Variants in SRGAP1 observed in about 807,000 individuals in gnomAD.
The protein encoded by SRGAP1 is SLIT-ROBO Rho GTPase activating protein 1, also known as SLIT-ROBO Rho GTPase-activating protein 1.
A neutral mutation model predicts 121.9 loss-of-function variants in SRGAP1; 43 were observed. The ratio of observed to expected loss-of-function variants is 0.35; its 90% CI spans 0.28 to 0.46. The LOEUF is 0.46. SRGAP1 is among the 20% of genes least tolerant of loss of function. The pLI, the probability that SRGAP1 is intolerant of heterozygous loss-of-function variation, is 1.00. For missense variants in SRGAP1, 1,102 were observed against 1,350.9 expected (o/e 0.82, Z 2.89); for synonymous variants, 447 against 485.4 (o/e 0.92, Z 1.04).
chr12:64,117,425 T>C (rs2036540578), intron 18 of SRGAP1, among the ~76,000 whole-genome samples: 1 of 152,306 alleles, frequency 6.6e-6, no homozygotes, highest in Middle Eastern at 3.4e-3. Context: ...GGGTATATGC[T>C]TTGCAGATAT....
intron 1 of SRGAP1, among the ~76,000 whole-genome samples, chr12:63,928,024 G>A (rs1186308187): frequency 1.3e-5 from 2 of 152,112 alleles, no homozygotes; most frequent in South Asian, 2.1e-4. Context: ...AACAGAACCA[G>A]TATTTTCAGG....
chr12:63,941,118 CATT>C (rs2031848981), intron 1 of SRGAP1, among the ~76,000 whole-genome samples: 1 of 151,782 alleles, frequency 6.6e-6, no homozygotes, highest in Non-Finnish European at 1.5e-5. Flanking sequence ...TTTAAGGTAA[CATT>C]AATCCCTGAT....
intron 6 of SRGAP1, among the ~76,000 whole-genome samples, chr12:64,059,641 A>C (rs1378241972): frequency 6.6e-6 from 1 of 152,262 alleles, no homozygotes; most frequent in Admixed American, 6.5e-5. Flanking sequence ...TTGTGTTTTC[A>C]TTAACGCAAA....
chr12:63,980,932 A>AT (rs1391934507), intron 1 of SRGAP1, among the ~76,000 whole-genome samples: 1 of 151,988 alleles, frequency 6.6e-6, no homozygotes, highest in Non-Finnish European at 1.5e-5. Context: ...TTTTCTGTTG[A>AT]TTTTTTAAAA....
At chr12:63,989,724 A>G (rs1426862695) in intron 2 of SRGAP1, among the ~76,000 whole-genome samples, 186 bp from the exon 3 acceptor site, 3 of 152,246 alleles carry the variant, frequency 2.0e-5, no homozygotes, top group African/African-American at 7.2e-5. Flanking sequence ...TGCTGGCTCT[A>G]TGCCATCCAC....
chr12:64,063,657 CA>C (rs35938870), intron 7 of SRGAP1, among the ~76,000 whole-genome samples: 1 of 151,016 alleles, frequency 6.6e-6, no homozygotes, highest in Admixed American at 6.6e-5. Flanking sequence ...GTTATTTTAC[CA>C]AAAAAAATGC....
intron 1 of SRGAP1, among the ~76,000 whole-genome samples, chr12:63,912,638 A>G (rs1011329940): frequency 7.9e-5 from 12 of 151,956 alleles, no homozygotes; most frequent in African/African-American, 2.7e-4. Flanking sequence ...AAAAATCAGC[A>G]CTGGATAGAG....
At chr12:63,925,407 G>A (rs1197793251) in intron 1 of SRGAP1, among the ~76,000 whole-genome samples, 1 of 152,146 alleles carries the variant, frequency 6.6e-6, no homozygotes, top group Admixed American at 6.5e-5. Context: ...GAGGAAAATT[G>A]TTAATAGTTG....
At chr12:63,907,986 A>G (rs942883914) in intron 1 of SRGAP1, among the ~76,000 whole-genome samples, 3 of 152,182 alleles carry the variant, frequency 2.0e-5, no homozygotes, top group African/African-American at 4.8e-5. Context: ...TTATCGTGCT[A>G]TCCCTGTTGA....
intron 3 of SRGAP1, among the ~76,000 whole-genome samples, chr12:64,000,463 G>A (rs1001324447): frequency 2.0e-5 from 3 of 151,980 alleles, no homozygotes; most frequent in Admixed American, 6.6e-5. Flanking sequence ...ATATTTAAAA[G>A]TTAGCCAGCC....
At chr12:64,073,383 C>G (rs914026468) in intron 8 of SRGAP1, among the ~76,000 whole-genome samples, 1 of 152,176 alleles carries the variant, frequency 6.6e-6, no homozygotes, top group South Asian at 2.1e-4. Flanking sequence ...GAACATGGTT[C>G]TAGTGAAACA....
rs2037127263 is a variant in SRGAP1 at position 64,152,251 on chromosome 12, AAATT to A, written c.*9582_*9585del. 1 of 152,190 alleles carries A rather than the reference AAATT, an allele frequency of 6.6e-6. No individual in the cohort carries two copies. Among genetic ancestry groups the A allele is most frequent in the Admixed American group, 6.6e-5 (1 of 15,264 alleles). The allele number at this position is 152,190 out of a possible 1,614,324, so 9.4% of individuals were successfully genotyped here. The stretch of plus-strand genomic sequence containing the variant: ...ATTATCATCATCTTTATCCGTAAGA[AAATT>A]AAGCCGCAGGAGTTAAACACTTGCC... On this transcript the variant is annotated 3_prime_UTR_variant, in exon 22 of 22. Coordinates refer to ENST00000355086, the MANE Select transcript of SRGAP1 (RefSeq NM_020762.4).
At chr12:64,024,201 C>T (rs1270664187) in intron 4 of SRGAP1, among the ~76,000 whole-genome samples, 1 of 152,126 alleles carries the variant, frequency 6.6e-6, no homozygotes, top group Non-Finnish European at 1.5e-5. Flanking sequence ...AGAGGCTGAG[C>T]TGGGAGGATC....
chr12:64,046,614 G>A (rs577963875), intron 6 of SRGAP1, among the ~76,000 whole-genome samples: 14 of 152,192 alleles, frequency 9.2e-5, no homozygotes, highest in Non-Finnish European at 1.0e-4. Context: ...TGACTCCTAG[G>A]TTACTGATAA....
At chr12:63,899,250 C>T (rs1345670551) in intron 1 of SRGAP1, among the ~76,000 whole-genome samples, 1 of 151,866 alleles carries the variant, frequency 6.6e-6, no homozygotes, top group African/African-American at 2.4e-5. Flanking sequence ...GGTGTGGTGG[C>T]ATACACCTGT....
At chr12:63,870,138 T>C (rs954305238) in intron 1 of SRGAP1, among the ~76,000 whole-genome samples, 10 of 152,214 alleles carry the variant, frequency 6.6e-5, no homozygotes, top group African/African-American at 2.2e-4. Flanking sequence ...TTTGACCTAA[T>C]AAGAGTTTAT....
At chr12:64,036,744 A>C (rs1290118877) in intron 4 of SRGAP1, among the ~76,000 whole-genome samples, 1 of 152,246 alleles carries the variant, frequency 6.6e-6, no homozygotes, top group East Asian at 1.9e-4. Context: ...GAAAAGAACA[A>C]TGCCAGATGC....
chr12:64,114,634 A>G (rs2036489280), intron 17 of SRGAP1, among the ~76,000 whole-genome samples: 2 of 152,186 alleles, frequency 1.3e-5, no homozygotes, highest in Non-Finnish European at 2.9e-5. Flanking sequence ...TACAGGCGTG[A>G]GCCACCGTGC....
At chr12:64,119,597 G>A (rs931075759) in intron 18 of SRGAP1, among the ~76,000 whole-genome samples, 2 of 151,578 alleles carry the variant, frequency 1.3e-5, no homozygotes. Context: ...TAAGTTTAAG[G>A]CTTAGCATTC....
Sources: gnomAD v4.1 joint callset for allele counts (sites outside exome capture counted in the v4.1 genomes callset) on GRCh38, gnomAD v4.1.1 for gene constraint, MANE v1.5 for transcripts, NCBI Gene and HGNC (gene_info 2026-07-23, HGNC 2026-07-21) for gene names.